Variants in LRRC4C observed in about 807,000 individuals in gnomAD.
The protein encoded by LRRC4C is leucine-rich repeat-containing protein 4C.
A neutral mutation model predicts 33.6 loss-of-function variants in LRRC4C; 5 were observed. The ratio of observed to expected loss-of-function variants is 0.15; its 90% confidence interval spans 0.08 to 0.31. The LOEUF is 0.31. LRRC4C is among the 10% of genes least tolerant of loss of function. The pLI, the probability that LRRC4C is intolerant of heterozygous loss-of-function variation, is 1.00. For synonymous variants in LRRC4C, 329 were observed against 302.0 expected, an observed-to-expected ratio of 1.09 and a Z score of -0.93; for missense variants, 560 against 796.7, an observed-to-expected ratio of 0.70 and a Z score of 3.58.
chr11:40,318,694 C>T (rs1306945689), intron 4 of LRRC4C, among the ~76,000 whole-genome samples: 4 of 152,126 alleles, frequency 2.6e-5, no homozygotes, highest in African/African-American at 4.8e-5. Context: ...TAGCTAAGCC[C>T]ATTTACTACC....
At chr11:40,198,074 C>T (rs1590683571) in intron 5 of LRRC4C, among the ~76,000 whole-genome samples, 2 of 151,960 alleles carry the variant, frequency 1.3e-5, no homozygotes, top group Non-Finnish European at 2.9e-5. Flanking sequence ...GATATGGCAG[C>T]AGTGGAGATG....
intron 1 of LRRC4C, among the ~76,000 whole-genome samples, chr11:41,250,604 T>G (rs1267262277): frequency 1.3e-5 from 2 of 152,204 alleles, no homozygotes; most frequent in African/African-American, 2.4e-5. Context: ...TTGTGATGAC[T>G]TGGCATTTTT....
At chr11:40,548,712 C>G (rs936320667) in intron 3 of LRRC4C, among the ~76,000 whole-genome samples, 2 of 152,084 alleles carry the variant, frequency 1.3e-5, no homozygotes, top group Admixed American at 6.6e-5. Context: ...GAAGAGAGTA[C>G]GAATGGCAGC....
intron 5 of LRRC4C, among the ~76,000 whole-genome samples, chr11:40,198,870 G>A (rs1421729653): frequency 6.6e-6 from 1 of 152,174 alleles, no homozygotes; most frequent in Non-Finnish European, 1.5e-5. Flanking sequence ...TGTAAACCAT[G>A]TGGAAGATTA....
At chr11:41,221,465 G>A (rs1245856589) in intron 1 of LRRC4C, among the ~76,000 whole-genome samples, 4 of 152,112 alleles carry the variant, frequency 2.6e-5, no homozygotes, top group Admixed American at 6.5e-5. Context: ...GTGTAAATTA[G>A]TTTAGCCATT....
intron 1 of LRRC4C, among the ~76,000 whole-genome samples, chr11:41,397,099 C>A (rs551832598): frequency 4.6e-5 from 7 of 151,870 alleles, no homozygotes; most frequent in Non-Finnish European, 8.8e-5. Context: ...AGATGCAAAC[C>A]CACGCTGTCT....
chr11:40,439,651 A>G (rs1951301989), intron 3 of LRRC4C, among the ~76,000 whole-genome samples: 1 of 151,782 alleles, frequency 6.6e-6, no homozygotes, highest in Non-Finnish European at 1.5e-5. Flanking sequence ...ACGGGGTTTC[A>G]CCACCTTGGC....
At chr11:40,775,963 T>C (rs867510998) in intron 2 of LRRC4C, among the ~76,000 whole-genome samples, 5 of 151,048 alleles carry the variant, frequency 3.3e-5, no homozygotes, top group Admixed American at 6.6e-5. Flanking sequence ...GTTAGTTTAT[T>C]GTGGATTTTT....
intron 2 of LRRC4C, among the ~76,000 whole-genome samples, chr11:40,759,732 A>T (rs1440156801): frequency 6.6e-6 from 1 of 151,994 alleles, no homozygotes; most frequent in Non-Finnish European, 1.5e-5. Context: ...CGATATCATG[A>T]ACAAAATATC....
At chr11:40,132,340 T>C (rs190331226) in intron 6 of LRRC4C, among the ~76,000 whole-genome samples, 120 of 152,218 alleles carry the variant, frequency 7.9e-4, no homozygotes, top group African/African-American at 2.8e-3. Context: ...TCTTGGGAGG[T>C]AGTCTACCCT....
intron 6 of LRRC4C, among the ~76,000 whole-genome samples, chr11:40,134,126 A>G (rs1386850466): frequency 6.6e-6 from 1 of 152,172 alleles, no homozygotes; most frequent in Non-Finnish European, 1.5e-5. Context: ...GCGTGGTGGC[A>G]CATGCCTGTA....
intron 1 of LRRC4C, among the ~76,000 whole-genome samples, chr11:41,076,443 G>C (rs912427063): frequency 2.0e-5 from 3 of 152,164 alleles, no homozygotes; most frequent in Non-Finnish European, 2.9e-5. Flanking sequence ...CCTCAGGAAA[G>C]GAGAAGCAAG....
At chr11:40,351,783 G>A (rs1016500635) in intron 3 of LRRC4C, 4 of 151,896 alleles carry the variant, frequency 2.6e-5, no homozygotes, top group Non-Finnish European at 5.9e-5. Flanking sequence ...TAATGACCTT[G>A]TTTATCTCTT....
intron 1 of LRRC4C, among the ~76,000 whole-genome samples, chr11:41,033,805 G>A (rs1278812209): frequency 6.6e-6 from 1 of 152,006 alleles, no homozygotes; most frequent in Non-Finnish European, 1.5e-5. Context: ...AACATTGAAA[G>A]TATTTTATCA....
chr11:40,493,443 G>A (rs896371959), intron 3 of LRRC4C, among the ~76,000 whole-genome samples: 1 of 151,892 alleles, frequency 6.6e-6, no homozygotes, highest in Non-Finnish European at 1.5e-5. Flanking sequence ...ACTGTGTATT[G>A]GTCATTAGAA....
At chr11:40,498,548 T>G (rs945269814) in intron 3 of LRRC4C, among the ~76,000 whole-genome samples, 7 of 152,226 alleles carry the variant, frequency 4.6e-5, no homozygotes, top group African/African-American at 1.7e-4. Context: ...TTGATTACAA[T>G]CCTATGCATC....
At chr11:41,221,249 C>G (rs968789922) in intron 1 of LRRC4C, among the ~76,000 whole-genome samples, 9 of 150,158 alleles carry the variant, frequency 6.0e-5, no homozygotes, top group African/African-American at 2.2e-4. Context: ...TGAACAGACA[C>G]TTTTCAAAAG....
intron 2 of LRRC4C, among the ~76,000 whole-genome samples, chr11:40,663,537 T>C (rs1943558402): frequency 6.6e-6 from 1 of 152,152 alleles, no homozygotes; most frequent in African/African-American, 2.4e-5. Context: ...CAAAGAAAGA[T>C]GACAGCAACA....
chr11:41,372,834 A>G (rs1952802748), intron 1 of LRRC4C, among the ~76,000 whole-genome samples: 1 of 151,896 alleles, frequency 6.6e-6, no homozygotes, highest in Non-Finnish European at 1.5e-5. Context: ...TACAAATCTA[A>G]TATATTCCAG....
Sources: allele counts gnomAD v4.1 joint callset (sites outside exome capture counted in the v4.1 genomes callset), GRCh38; gene constraint gnomAD v4.1.1; transcripts MANE v1.5; gene names NCBI Gene and HGNC (gene_info 2026-07-23, HGNC 2026-07-21).